NRXN1: variants seen among roughly 807,000 people sequenced by gnomAD.
NRXN1 encodes neurexin-1.
Under a neutral mutation model 150.9 loss-of-function variants are expected in NRXN1, and 39 were observed. The ratio of observed to expected loss-of-function variants is 0.26; its 90% CI spans 0.20 to 0.34. The LOEUF (loss-of-function observed/expected upper bound fraction) is 0.34, where lower values mean the gene tolerates loss of function less well. Among genes scored for constraint, NRXN1 ranks in the 10% least tolerant of loss-of-function variants. NRXN1 has a pLI of 1.00. For synonymous variants in NRXN1, 924 were observed against 757.0 expected, an observed-to-expected ratio of 1.22 and a Z score of -3.62; for missense variants, 1,815 against 1,949.9, an observed-to-expected ratio of 0.93 and a Z score of 1.30.
chr2:50,455,481 A>G (rs2087461788), intron 17 of NRXN1, among the ~76,000 whole-genome samples: 1 of 152,188 alleles, frequency 6.6e-6, no homozygotes, highest in Non-Finnish European at 1.5e-5. Flanking sequence ...TTAGCACTTC[A>G]ACACACTGAA....
At chr2:50,863,642 T>C (rs1221220898) in intron 5 of NRXN1, among the ~76,000 whole-genome samples, 1 of 152,036 alleles carries the variant, frequency 6.6e-6, no homozygotes, top group Non-Finnish European at 1.5e-5. Flanking sequence ...CTCCTAAAAA[T>C]GTCTGAAAAC....
At chr2:50,338,679 G>A (rs1265273617) in intron 17 of NRXN1, among the ~76,000 whole-genome samples, 3 of 150,444 alleles carry the variant, frequency 2.0e-5, no homozygotes, top group Non-Finnish European at 3.0e-5. Context: ...TCTTTCAAAT[G>A]TGCTTGGATA....
intron 17 of NRXN1, among the ~76,000 whole-genome samples, chr2:50,455,945 C>T (rs1351299809): frequency 6.6e-6 from 1 of 152,170 alleles, no homozygotes; most frequent in Non-Finnish European, 1.5e-5. Flanking sequence ...CTGCTGGAAT[C>T]CAGATGAGGC....
chr2:50,082,461 A>G (rs562092406), intron 19 of NRXN1, among the ~76,000 whole-genome samples: 2 of 152,350 alleles, frequency 1.3e-5, no homozygotes, highest in East Asian at 3.8e-4. Context: ...TGCTATTTGT[A>G]TATTACAACA....
intron 5 of NRXN1, among the ~76,000 whole-genome samples, chr2:50,880,254 G>A (rs1038489265): frequency 6.6e-6 from 1 of 151,960 alleles, no homozygotes; most frequent in African/African-American, 2.4e-5. Flanking sequence ...CCCAAGAAAT[G>A]TAGCTCCACT....
chr2:50,190,533 C>T (rs1446919735), intron 18 of NRXN1, among the ~76,000 whole-genome samples: 1 of 151,864 alleles, frequency 6.6e-6, no homozygotes, highest in Non-Finnish European at 1.5e-5. Context: ...AAAAACAAAA[C>T]ATTGCCATTT....
intron 18 of NRXN1, among the ~76,000 whole-genome samples, chr2:50,105,495 A>G (rs915053968): frequency 4.6e-5 from 7 of 152,014 alleles, no homozygotes; most frequent in African/African-American, 1.7e-4. Flanking sequence ...GTTTTTCTCT[A>G]GTATGTTTTT....
chr2:50,169,711 C>CAAAA (rs11296551), intron 18 of NRXN1, among the ~76,000 whole-genome samples: 6 of 103,784 alleles, frequency 5.8e-5, no homozygotes, highest in Non-Finnish European at 9.3e-5. Flanking sequence ...GCTTCCATCT[C>CAAAA]AAAAAAAAAA....
At chr2:49,936,064 C>G (rs140719018) in intron 22 of NRXN1, among the ~76,000 whole-genome samples, 2 of 152,296 alleles carry the variant, frequency 1.3e-5, no homozygotes, top group East Asian at 3.9e-4. Context: ...TGGATACATA[C>G]AGGCTGCCTA....
At chr2:50,626,568 T>C (rs1178619179) in intron 5 of NRXN1, among the ~76,000 whole-genome samples, 3 of 151,914 alleles carry the variant, frequency 2.0e-5, no homozygotes. Context: ...CAGTTATTCA[T>C]AAGAAAAAAG....
chr2:50,869,760 T>C (rs1268245930), intron 5 of NRXN1, among the ~76,000 whole-genome samples: 2 of 151,878 alleles, frequency 1.3e-5, no homozygotes, highest in African/African-American at 2.4e-5. Context: ...CATTACATCC[T>C]TGTGTCCACC....
chr2:50,265,014 A>G (rs1409454814), intron 17 of NRXN1, among the ~76,000 whole-genome samples: 4 of 152,188 alleles, frequency 2.6e-5, no homozygotes, highest in Admixed American at 2.0e-4. Flanking sequence ...AGCATTAATT[A>G]CATGTAGAAA....
chr2:50,796,005 A>C (rs1304697798), intron 5 of NRXN1, among the ~76,000 whole-genome samples: 1 of 152,100 alleles, frequency 6.6e-6, no homozygotes, highest in Non-Finnish European at 1.5e-5. Flanking sequence ...GCTTCAACTA[A>C]AGCCACCAGT....
intron 17 of NRXN1, among the ~76,000 whole-genome samples, chr2:50,376,188 A>T (rs2080480932): frequency 6.6e-6 from 1 of 152,004 alleles, no homozygotes; most frequent in African/African-American, 2.4e-5. Flanking sequence ...CTTCTAAAAA[A>T]CCTAGAAAAC....
At chr2:50,274,197 TA>T (rs143083922) in intron 17 of NRXN1, among the ~76,000 whole-genome samples, 18 of 151,944 alleles carry the variant, frequency 1.2e-4, no homozygotes, top group African/African-American at 2.2e-4. Flanking sequence ...TATGCAGCCA[TA>T]AAAAAAGATG....
At chr2:50,359,201 C>T (rs2079019956) in intron 17 of NRXN1, among the ~76,000 whole-genome samples, 1 of 151,722 alleles carries the variant, frequency 6.6e-6, no homozygotes, top group South Asian at 2.1e-4. Flanking sequence ...TCCTCTTCTC[C>T]TTCAAAGGAC....
intron 5 of NRXN1, among the ~76,000 whole-genome samples, chr2:50,805,799 G>A (rs1299850499): frequency 2.6e-5 from 4 of 152,108 alleles, no homozygotes; most frequent in African/African-American, 4.8e-5. Context: ...CCCAAGAGTA[G>A]GGCTTTGGTG....
chr2:50,322,034 CA>C (rs10707210), intron 17 of NRXN1, among the ~76,000 whole-genome samples: 49,947 of 117,304 alleles, frequency 0.43, 10,113 homozygotes, highest in East Asian at 0.66. Flanking sequence ...ATTACAACAT[CA>C]AAAAAAAAAA....
chr2:50,133,295 G>A (rs1039072066), intron 18 of NRXN1, among the ~76,000 whole-genome samples: 4 of 108,542 alleles, frequency 3.7e-5, no homozygotes, highest in African/African-American at 9.7e-5. Flanking sequence ...GGAAATGGGC[G>A]TAAGTACAGC....
Sources: allele counts gnomAD v4.1 joint callset (sites outside exome capture counted in the v4.1 genomes callset), GRCh38; gene constraint gnomAD v4.1.1; transcripts MANE v1.5; gene names NCBI Gene and HGNC (gene_info 2026-07-23, HGNC 2026-07-21).